Variants in PTPN12 observed in about 807,000 individuals in gnomAD.
PTPN12 encodes the protein tyrosine-protein phosphatase non-receptor type 12.
PTPN12 carries 29 observed loss-of-function variants against 97.6 expected under a neutral mutation model. The observed-to-expected ratio is 0.30, with a 90% CI of 0.22 to 0.41. The LOEUF is 0.41. Among genes scored for constraint, PTPN12 ranks in the 10% least tolerant of loss-of-function variants. PTPN12 has a pLI of 1.00. For missense variants in PTPN12, 819 were observed against 926.0 expected, an observed-to-expected ratio of 0.88 and a Z score of 1.50; for synonymous variants, 327 against 300.4, an observed-to-expected ratio of 1.09 and a Z score of -0.91.
At chr7:77,615,870 G>T in intron 11 of PTPN12, among the ~76,000 whole-genome samples, 1 of 152,302 alleles carries the variant, frequency 6.6e-6, no homozygotes, top group East Asian at 1.9e-4. Flanking sequence ...GGAAATCCAA[G>T]AACATTGTGA....
At chr7:77,558,210 C>CAAAAAAAAAAAAA (rs61149538) in intron 1 of PTPN12, among the ~76,000 whole-genome samples, 1 of 93,592 alleles carries the variant, frequency 1.1e-5, no homozygotes, top group Non-Finnish European at 2.2e-5. Flanking sequence ...GACTCCATCT[C>CAAAAAAAAAAAAA]AAAAAAAAAA....
At chr7:77,538,028 C>T (rs1806748130) in intron 1 of PTPN12, 20 of 1,018,130 alleles carry the variant, frequency 2.0e-5, no homozygotes, top group Non-Finnish European at 2.2e-5. Flanking sequence ...TCGCTCCTCC[C>T]AGGAGGGTCG....
chr7:77,599,539 T>C (rs933359540), intron 7 of PTPN12, among the ~76,000 whole-genome samples: 3 of 152,124 alleles, frequency 2.0e-5, no homozygotes, highest in Non-Finnish European at 4.4e-5. Flanking sequence ...ATCTTGCCTT[T>C]TGCATTGGCC....
intron 12 of PTPN12, among the ~76,000 whole-genome samples, chr7:77,621,770 A>G (rs1788947746): frequency 6.6e-6 from 1 of 152,200 alleles, no homozygotes; most frequent in Non-Finnish European, 1.5e-5. Context: ...TATATGACTG[A>G]CAGCATAGTA....
intron 1 of PTPN12, among the ~76,000 whole-genome samples, chr7:77,569,939 G>A (rs758788238): frequency 9.2e-5 from 14 of 152,158 alleles, no homozygotes; most frequent in Non-Finnish European, 1.3e-4. Context: ...TCCTCCCAAA[G>A]TGCTAGGATT....
rs1789249126 is a variant in PTPN12 at position 77,627,658 on chromosome 7, AT to A, written c.1981del (p.Ser661GlnfsTer27). ...IARHNIAGTT[H>X]SGAEKDVDVS... ...AGACATAATATAGCAGGAACAACAC[AT>A]TCAGGTGCTGAAAAAGGTAATAATA... On this transcript the variant is annotated frameshift_variant, in exon 13 of 18. Transcript: ENST00000248594. LOFTEE classifies it high-confidence loss of function. The A allele has an allele frequency of 6.3e-7, 1 of 1,576,612 alleles. No homozygotes were observed. The highest frequency in any genetic ancestry group is 1.9e-5 in the Admixed American group (1 of 53,268).
chr7:77,545,369 G>C (rs914406074), intron 1 of PTPN12, among the ~76,000 whole-genome samples: 6 of 151,940 alleles, frequency 3.9e-5, no homozygotes, highest in African/African-American at 1.5e-4. Flanking sequence ...AGGAGATGTG[G>C]GCTGCACTGG....
rs1296382232 is a variant in PTPN12 at position 77,555,578 on chromosome 7, A to G, written c.100-15500A>G. On this transcript the variant is annotated intron_variant, in intron 1 of 17. Coordinates refer to ENST00000248594, the MANE Select transcript of PTPN12 (RefSeq NM_002835.4). ...TGTCTAGTCTACTAGTAAGCCCACC[A>G]ACAACATTCTTCATTTTTGTTACAG... Among the ~76,000 whole-genome samples the G allele has an allele frequency of 2.6e-5, 4 of 152,112 alleles. No individual in the cohort carries two copies. In the East Asian group the frequency reaches 5.8e-4, roughly 22 times the overall value.
intron 11 of PTPN12, among the ~76,000 whole-genome samples, chr7:77,614,980 T>C (rs1788700798): frequency 1.3e-5 from 2 of 152,206 alleles, no homozygotes; most frequent in African/African-American, 4.8e-5. Flanking sequence ...TTTAGAGATA[T>C]TTATAACTAC....
At chr7:77,608,266 CATA>C (rs1014482206) in intron 9 of PTPN12, among the ~76,000 whole-genome samples, 40 of 152,146 alleles carry the variant, frequency 2.6e-4, no homozygotes, top group Non-Finnish European at 4.0e-4. Flanking sequence ...AAATAGGGGT[CATA>C]GTAGTAGTAA....
intron 1 of PTPN12, among the ~76,000 whole-genome samples, chr7:77,551,022 G>A (rs953807449): frequency 3.3e-5 from 5 of 151,928 alleles, no homozygotes; most frequent in African/African-American, 7.3e-5. Context: ...AATGCTTCAG[G>A]ATCTTGATCC....
At chr7:77,541,470 A>C (rs1029685287) in intron 1 of PTPN12, among the ~76,000 whole-genome samples, 38 of 152,150 alleles carry the variant, frequency 2.5e-4, no homozygotes, top group African/African-American at 8.7e-4. Flanking sequence ...CTGCTGTTAC[A>C]TATAGTAATT....
chr7:77,610,623 G>C lies in PTPN12; in HGVS notation c.763-142G>C, dbSNP rs780956311. 1.4e-5 allele frequency: 12 copies of C among 851,322 alleles called. No individual in the cohort carries two copies. The East Asian group carries it at 3.3e-4, about 24-fold the overall frequency. 52.7% of individuals were successfully genotyped at this position (851,322 alleles called of 1,614,324 possible). ...TTTTGTTTCCACAGTGCCAAGCACA[G>C]TGTCTGAGATGCATTAAGTGGTGTT... On this transcript the variant is annotated intron_variant, in intron 9 of 17. Coordinates refer to ENST00000248594, the MANE Select transcript of PTPN12 (RefSeq NM_002835.4).
chr7:77,599,692 A>G (rs559621731), intron 7 of PTPN12, among the ~76,000 whole-genome samples: 1 of 152,312 alleles, frequency 6.6e-6, no homozygotes, highest in East Asian at 1.9e-4. Flanking sequence ...CATCATATCC[A>G]GATACTGTTA....
At chr7:77,632,983 T>A (rs903452193) in intron 14 of PTPN12, among the ~76,000 whole-genome samples, 12 of 150,918 alleles carry the variant, frequency 8.0e-5, no homozygotes, top group Non-Finnish European at 1.3e-4. Flanking sequence ...ATAAATGCAA[T>A]TACAAAGCCA....
chr7:77,556,697 G>C (rs1807727639), intron 1 of PTPN12, among the ~76,000 whole-genome samples: 2 of 151,970 alleles, frequency 1.3e-5, no homozygotes, highest in Admixed American at 1.3e-4. Flanking sequence ...AAAATTAGCT[G>C]AGTGTTCCTG....
At position 77,627,085 on chromosome 7, in the gene PTPN12, C is replaced by T. The variant is rs1411148021; in HGVS notation, c.1406C>T (p.Pro469Leu). ...GCAATTAAAATTAAATCTGCTTCACCTTGTATAGCTGATAAAATCTCTAAG... is the reference window on the plus strand; with the variant it reads ...GCAATTAAAATTAAATCTGCTTCACTTTGTATAGCTGATAAAATCTCTAAG... ...GHAIKIKSASPCIADKISKPQ... is the reference protein window; with the variant it reads ...GHAIKIKSASLCIADKISKPQ... The change falls in exon 13 of 18, where the codon CCT becomes CTT. Residue 469 changes from proline to leucine, a missense_variant. By Grantham distance (98) the Pro-to-Leu change is moderately conservative. Around this residue, in one of 5 missense-constraint regions of PTPN12, gnomAD observed 607 missense variants for 577.3 expected, o/e 1.05. Coordinates refer to ENST00000248594, the MANE Select transcript of PTPN12 (RefSeq NM_002835.4). 6.2e-7 allele frequency: 1 copy of T among 1,614,076 alleles called. No individual in the cohort carries two copies. The highest frequency in any genetic ancestry group is 8.5e-7 in the Non-Finnish European group (1 of 1,179,982).
At chr7:77,601,494 C>G (rs374148041) in intron 8 of PTPN12, among the ~76,000 whole-genome samples, 47 of 152,250 alleles carry the variant, frequency 3.1e-4, no homozygotes, top group African/African-American at 1.1e-3. Context: ...TGAGCCACTA[C>G]GCCTGGCAAC....
chr7:77,547,480 A>G (rs542388513), intron 1 of PTPN12, among the ~76,000 whole-genome samples: 1 of 152,290 alleles, frequency 6.6e-6, no homozygotes, highest in Admixed American at 6.5e-5. Context: ...TAGTGGAAAG[A>G]TAAGGAGTTT....
Sources: allele counts gnomAD v4.1 joint callset (sites outside exome capture counted in the v4.1 genomes callset), GRCh38; gene constraint gnomAD v4.1.1; regional missense constraint gnomAD v4.1.1; transcripts MANE v1.5; gene names NCBI Gene and HGNC (gene_info 2026-07-23, HGNC 2026-07-21).